Variants in EVC2 observed in about 807,000 individuals in gnomAD.
EVC2 encodes limbin.
In EVC2, 148 loss-of-function variants were observed where a neutral mutation model predicts 149.3. The ratio of observed to expected loss-of-function variants is 0.99; its 90% CI spans 0.87 to 1.14. The LOEUF is 1.14. EVC2 is among the 50% of genes most tolerant of loss of function. The pLI is 0.00. For synonymous variants in EVC2, 776 were observed against 649.9 expected (o/e 1.19, Z -2.95); for missense variants, 1,854 against 1,627.3 (o/e 1.14, Z -2.40).
rs1162935817 is a variant in EVC2 at position 5,650,638 on chromosome 4, T to TATATATAGAGAG, written c.1146-9801_1146-9800insCTCTCTATATAT. 8.7e-4 allele frequency among the ~76,000 whole-genome samples: 39 copies of TATATATAGAGAG among 45,086 alleles called. 1 individual carries two copies. Among genetic ancestry groups the TATATATAGAGAG allele is most frequent in the Non-Finnish European group, 1.1e-3 (27 of 25,116 alleles). 29.6% of individuals were successfully genotyped at this position (45,086 alleles called of 152,430 possible). A position where few individuals can be genotyped will look rare whatever the true frequency, so the allele number is the denominator to read the frequency against. ...ATATATATATATATATATATATATA[T>TATATATAGAGAG]AGAGAGAGAGAGAGAGAGAGAGAGA... On this transcript the variant is annotated intron_variant, in intron 9 of 21. Coordinates refer to ENST00000344408, the MANE Select transcript of EVC2 (RefSeq NM_147127.5).
At chr4:5,564,415 G>A (rs1396043060) in intron 21 of EVC2, among the ~76,000 whole-genome samples, 1 of 152,120 alleles carries the variant, frequency 6.6e-6, no homozygotes, top group East Asian at 1.9e-4. Flanking sequence ...CCAATATCCT[G>A]ATCTAACTTA....
the EVC2 span, among the ~76,000 whole-genome samples, chr4:5,530,858 G>A: frequency 2.9e-4 from 44 of 152,266 alleles, no homozygotes; most frequent in African/African-American, 1.1e-3. Context: ...TAAATATTGT[G>A]TTAATAGTAT....
intron 9 of EVC2, among the ~76,000 whole-genome samples, chr4:5,648,565 A>G (rs1717894791): frequency 6.6e-6 from 1 of 152,156 alleles, no homozygotes; most frequent in African/African-American, 2.4e-5. Flanking sequence ...GTTGTTGTTC[A>G]GAGTTAAAGA....
intron 7 of EVC2, among the ~76,000 whole-genome samples, chr4:5,680,973 G>A (rs1720297771): frequency 6.6e-6 from 1 of 152,238 alleles, no homozygotes; most frequent in African/African-American, 2.4e-5. Context: ...CAAACACTGG[G>A]GATAGGTAGG....
rs1186906646 is a variant in EVC2 at position 5,567,473 on chromosome 4, C to G, written c.3557+971G>C. ...GGCTCCCAGATGCCCTCCTGGCCTC[C>G]TCTGCATCCTTGCTGAGGCTGTGAG... On this transcript the variant is annotated intron_variant, in intron 20 of 21. Transcript: ENST00000344408. This position sits in a 1 kb window ranked among gnomAD's most constrained non-coding sequence, Gnocchi z 4.4. Among the ~76,000 whole-genome samples the G allele has an allele frequency of 6.6e-6, 1 of 152,202 alleles. No individual in the cohort carries two copies. Among genetic ancestry groups the G allele is most frequent in the East Asian group, 1.9e-4 (1 of 5,194 alleles).
Position 5,625,629 on chromosome 4 carries a change from C to T in EVC2, c.2046+120G>A. On this transcript the variant is annotated intron_variant, in intron 13 of 21. Coordinates refer to ENST00000344408, the MANE Select transcript of EVC2 (RefSeq NM_147127.5). This position sits in a 1 kb window ranked among gnomAD's most constrained non-coding sequence, Gnocchi z 4.0. ...CAACAGTAGATGGCACATCATGGTG[C>T]CTGCCCAGCTGCCCTTCTGATCCTA... 7.6e-7 allele frequency: 1 copy of T among 1,324,470 alleles called. No homozygotes were observed. The highest frequency in any genetic ancestry group is 1.1e-6 in the Non-Finnish European group (1 of 943,164). 82.0% of individuals were successfully genotyped at this position (1,324,470 alleles called of 1,614,324 possible). A position where few individuals can be genotyped will look rare whatever the true frequency, so the allele number is the denominator to read the frequency against.
rs557518618 is a variant in EVC2 at position 5,708,019 on chromosome 4, C to T, written c.228+267G>A. ...AGGAGTGAACTGCCCTAGGTCGAAG[C>T]TCGTAAAATGGAGAGCAGGATTCGA... On this transcript the variant is annotated intron_variant, in intron 1 of 21. Coordinates refer to ENST00000344408, the MANE Select transcript of EVC2 (RefSeq NM_147127.5). The T allele has an allele frequency of 1.1e-5, 4 of 367,154 alleles. No homozygotes were observed. In the East Asian group the frequency reaches 1.8e-4, roughly 16 times the overall value. 22.7% of individuals were successfully genotyped at this position (367,154 alleles called of 1,614,324 possible).
At chr4:5,684,242 T>C (rs1720540458) in intron 6 of EVC2, among the ~76,000 whole-genome samples, 1 of 152,226 alleles carries the variant, frequency 6.6e-6, no homozygotes, top group Admixed American at 6.5e-5. Flanking sequence ...TTATGTCAAT[T>C]TCTTGAATCT....
upstream of EVC2, chr4:5,708,562 T>G (rs750979599): frequency 4.6e-6 from 6 of 1,318,382 alleles, no homozygotes; most frequent in South Asian, 8.4e-5. Flanking sequence ...GCCGAGTCGC[T>G]GGAGCTTCCG....
At chr4:5,535,502 C>T in the EVC2 span, among the ~76,000 whole-genome samples, 1 of 151,866 alleles carries the variant, frequency 6.6e-6, no homozygotes, top group Non-Finnish European at 1.5e-5. This position sits in a 1 kb window ranked among gnomAD's most constrained non-coding sequence, Gnocchi z 4.7. Context: ...TTATTACAGA[C>T]TGGGTGGCTG....
downstream of EVC2, among the ~76,000 whole-genome samples, chr4:5,562,076 T>G (rs1170319427): frequency 6.6e-6 from 1 of 152,146 alleles, no homozygotes. The surrounding 1 kb of genome is among the most constrained non-coding windows in gnomAD (Gnocchi z 4.3). Flanking sequence ...CAAGCACTTG[T>G]ATGGAGTCTG....
At chr4:5,552,426 T>TA (rs1384925047) in intron 21 of EVC2, among the ~76,000 whole-genome samples, 1 of 152,206 alleles carries the variant, frequency 6.6e-6, no homozygotes, top group Non-Finnish European at 1.5e-5. Context: ...CTGGCTTGTA[T>TA]AAAAAAGGCT....
chr4:5,654,910 G>C (rs1718409573), intron 9 of EVC2, among the ~76,000 whole-genome samples: 1 of 152,168 alleles, frequency 6.6e-6, no homozygotes, highest in Non-Finnish European at 1.5e-5. Context: ...CCTGCACCAT[G>C]CTTCTCGGCA....
intron 16 of EVC2, among the ~76,000 whole-genome samples, chr4:5,608,632 C>G (rs1337105926): frequency 6.6e-6 from 1 of 152,158 alleles, no homozygotes; most frequent in Non-Finnish European, 1.5e-5. Context: ...CTCCCAGCTT[C>G]AAGCAATTCT....
chr4:5,555,065 A>AGAT (rs59486680), intron 21 of EVC2, among the ~76,000 whole-genome samples: 2 of 151,068 alleles, frequency 1.3e-5, no homozygotes, highest in East Asian at 1.9e-4. Context: ...CATGTGTGTA[A>AGAT]GGAGAGTTGG....
rs12511039 is a variant in EVC2, at chr4:5,568,494, G to A, written c.3507C>T (p.His1169=). The part of the protein sequence containing the change: ...LDSATERHVD[H]AAESDGGAEQ... ...CCGCTCCGCCATCGCTCTCAGCTGC[G>A]TGGTCCACATGTCTCTCGGTGGCCG... is the stretch of plus-strand genomic sequence containing the variant. The change falls in exon 20 of 22, where the codon CAC becomes CAT. Residue 1169 remains histidine (H), a synonymous_variant. Transcript: ENST00000344408. The A allele has an allele frequency of 0.33, 520,595 of 1,583,144 alleles. 96,128 individuals are homozygous for A. Among genetic ancestry groups the A allele is most frequent in the East Asian group, 0.87 (38,587 of 44,172 alleles).
In EVC2 at chr4:5,670,895, T is replaced by A. The variant is rs1469961596; in HGVS notation, c.871-5246A>T. On this transcript the variant is annotated intron_variant, in intron 7 of 21. Transcript: ENST00000344408. The surrounding 1 kb of genome is among the most constrained non-coding windows in gnomAD (Gnocchi z 5.2). ...AACATCATCAATATCCCCATCACCA[T>A]CATCTTCACCATGACCATCACAATC... Among the ~76,000 whole-genome samples, 1 of 151,980 alleles carries A rather than the reference T, an allele frequency of 6.6e-6. No individual in the cohort carries two copies. Among genetic ancestry groups the A allele is most frequent in the Non-Finnish European group, 1.5e-5 (1 of 67,970 alleles).
chr4:5,621,621 A>C (rs1715695250), intron 14 of EVC2, among the ~76,000 whole-genome samples: 1 of 152,226 alleles, frequency 6.6e-6, no homozygotes, highest in Non-Finnish European at 1.5e-5. Context: ...GGCTAGGCCA[A>C]ATCCCAGCAG....
At chr4:5,609,427 A>G (rs538038284) in intron 16 of EVC2, among the ~76,000 whole-genome samples, 1 of 152,346 alleles carries the variant, frequency 6.6e-6, no homozygotes, top group African/African-American at 2.4e-5. Flanking sequence ...TAAAGCTGTC[A>G]ACTCAAGAGT....
Sources: gnomAD v4.1 joint callset for allele counts (sites outside exome capture counted in the v4.1 genomes callset) on GRCh38, gnomAD v4.1.1 for gene constraint, Gnocchi (gnomAD v3.1) non-coding constraint, MANE v1.5 for transcripts, NCBI Gene and HGNC (gene_info 2026-07-23, HGNC 2026-07-21) for gene names.